The following JARID2 variants were observed in gnomAD, a reference collection of about 807,000 sequenced individuals.
The protein encoded by JARID2 is protein Jumonji.
Under a neutral mutation model 125.6 loss-of-function variants are expected in JARID2, and 21 were observed. That is an observed-to-expected ratio of 0.17 (90% CI 0.12 to 0.24). JARID2 has a LOEUF of 0.24. JARID2 is among the 10% of genes least tolerant of loss of function. The pLI is 1.00. For missense variants in JARID2, 1,303 were observed against 1,639.6 expected, an observed-to-expected ratio of 0.79 and a Z score of 3.55; for synonymous variants, 736 against 661.6, an observed-to-expected ratio of 1.11 and a Z score of -1.73.
At chr6:15,334,025 G>C (rs912661038) in intron 1 of JARID2, among the ~76,000 whole-genome samples, 1 of 152,088 alleles carries the variant, frequency 6.6e-6, no homozygotes, top group Non-Finnish European at 1.5e-5. Context: ...ACATCTTAGC[G>C]TGCGGAAGTC....
At chr6:15,418,088 G>T (rs1766316597) in intron 3 of JARID2, among the ~76,000 whole-genome samples, 1 of 152,148 alleles carries the variant, frequency 6.6e-6, no homozygotes, top group Admixed American at 6.5e-5. Context: ...TGCCTGAATG[G>T]AGCAGGCAAG....
chr6:15,282,979 A>T (rs1760817957), intron 1 of JARID2, among the ~76,000 whole-genome samples: 3 of 148,902 alleles, frequency 2.0e-5, no homozygotes, highest in African/African-American at 7.4e-5. Context: ...CTATTTTTTT[A>T]TTTTTTTTAT....
At chr6:15,337,397 A>C (rs1404684779) in intron 1 of JARID2, among the ~76,000 whole-genome samples, 10 of 152,240 alleles carry the variant, frequency 6.6e-5, no homozygotes, top group African/African-American at 2.4e-4. Flanking sequence ...CTCATGGCTC[A>C]GGGCACCTCC....
At chr6:15,309,578 A>G (rs573206380) in intron 1 of JARID2, among the ~76,000 whole-genome samples, 174 of 152,232 alleles carry the variant, frequency 1.1e-3, no homozygotes, top group African/African-American at 4.1e-3. Context: ...AAGTGAGAAA[A>G]CAGTATTTAC....
rs190802112 is a variant in JARID2 at position 15,520,140 on chromosome 6, T to C, written c.3630T>C (p.Cys1210=). Residue 1210 remains cysteine (C), a synonymous_variant, in exon 18 of 18, where the codon TGT becomes TGC. Transcript: ENST00000341776. The part of the protein sequence containing the change: ...VSGKNGSIEN[C]LSKPTPKRGP... ...GTAAAAACGGCAGCATTGAGAACTGTCTCAGTAAACCCACACCAAAAAGAG... is the reference window on the plus strand; with the variant it reads ...GTAAAAACGGCAGCATTGAGAACTGCCTCAGTAAACCCACACCAAAAAGAG... The C allele has an allele frequency of 2.1e-5, 34 of 1,613,922 alleles. No individual in the cohort carries two copies. In the Admixed American group the frequency reaches 4.7e-4, roughly 22 times the overall value.
Position 15,500,960 on chromosome 6 carries a change from G to A in JARID2, c.1999G>A (p.Gly667Ser), listed in dbSNP as rs1272384842. 1 of 1,613,758 alleles carries A rather than the reference G, an allele frequency of 6.2e-7. No homozygotes were observed. The highest frequency in any genetic ancestry group is 1.7e-5 in the Admixed American group (1 of 60,008). Residue 667 changes from glycine (G) to serine (S), a missense_variant, in exon 8 of 18, where the codon GGC becomes AGC. By Grantham distance (56) the Gly-to-Ser change is moderately conservative. This residue lies in a region of JARID2 where 64 missense variants were observed against 166.8 expected (regional missense o/e 0.38). Transcript: ENST00000341776. Reference protein sequence around the residue: ...CFFRLINEMGGMQQVTDLKKW... With the variant: ...CFFRLINEMGSMQQVTDLKKW... ...TTTCCGGCTGATTAATGAGATGGGC[G>A]GCATGCAGCAAGTGACTGACCTCAA...
chr6:15,400,658 C>G (rs1171683518), intron 2 of JARID2, among the ~76,000 whole-genome samples: 3 of 119,496 alleles, frequency 2.5e-5, no homozygotes, highest in Non-Finnish European at 5.3e-5. Context: ...TTTCCTTTTT[C>G]TCATTTTAAT....
intron 16 of JARID2, among the ~76,000 whole-genome samples, chr6:15,516,886 G>A (rs1288534824): frequency 6.6e-6 from 1 of 152,188 alleles, no homozygotes; most frequent in Non-Finnish European, 1.5e-5. Flanking sequence ...AATCTGGAGG[G>A]GACTTGAGGG....
At chr6:15,333,787 C>T (rs892027528) in intron 1 of JARID2, among the ~76,000 whole-genome samples, 6 of 151,974 alleles carry the variant, frequency 3.9e-5, no homozygotes, top group Admixed American at 1.3e-4. Flanking sequence ...TCAGTAAATA[C>T]GTGGGTGAAA....
chr6:15,413,003 TTTTTG>T (rs1278197733), intron 3 of JARID2, among the ~76,000 whole-genome samples: 2 of 58,726 alleles, frequency 3.4e-5, no homozygotes, highest in African/African-American at 1.6e-4. Context: ...AGAGCTTGTG[TTTTTG>T]TTTTTTTTTT....
chr6:15,321,613 C>T (rs541411413), intron 1 of JARID2, among the ~76,000 whole-genome samples: 213 of 152,146 alleles, frequency 1.4e-3, no homozygotes, highest in African/African-American at 5.0e-3. Context: ...ACATGATTTC[C>T]TTCAGCTTCT....
At chr6:15,263,578 C>T (rs1759968286) in intron 1 of JARID2, among the ~76,000 whole-genome samples, 3 of 149,646 alleles carry the variant, frequency 2.0e-5, no homozygotes, top group African/African-American at 7.4e-5. Flanking sequence ...TGGTCCTTAA[C>T]TAGAGTCAGA....
rs772147973 is a variant in JARID2 at position 15,496,426 on chromosome 6, GGGCCCGCCGTCAA to G, written c.1202_1214del (p.Gly401ValfsTer9). On this transcript the variant is annotated frameshift_variant, in exon 7 of 18. Coordinates refer to ENST00000341776, the MANE Select transcript of JARID2 (RefSeq NM_004973.4). LOFTEE classifies it high-confidence loss of function. ...CCTCGGGGGGGCGTCCAAGTCCACT[GGGCCCGCCGTCAA>G]TGGCCTCAAGGTCAGTGGCAGGTTG... is the stretch of plus-strand genomic sequence containing the variant. 1 of 1,613,728 alleles carries G rather than the reference GGGCCCGCCGTCAA, an allele frequency of 6.2e-7. No individual in the cohort carries two copies.
intron 1 of JARID2, among the ~76,000 whole-genome samples, chr6:15,248,301 T>A (rs1194657991): frequency 2.2e-4 from 31 of 140,524 alleles, no homozygotes; most frequent in African/African-American, 7.3e-4. Context: ...GGGGGCATAC[T>A]CCGGGCTCTA....
At chr6:15,353,154 A>G (rs909561764) in intron 1 of JARID2, among the ~76,000 whole-genome samples, 1 of 152,194 alleles carries the variant, frequency 6.6e-6, no homozygotes, top group Non-Finnish European at 1.5e-5. Flanking sequence ...GTATCATTTT[A>G]CACTCCCACT....
At chr6:15,266,114 C>A (rs1213000865) in intron 1 of JARID2, among the ~76,000 whole-genome samples, 2 of 152,180 alleles carry the variant, frequency 1.3e-5, no homozygotes, top group Non-Finnish European at 2.9e-5. Flanking sequence ...CACATATGCT[C>A]TCCTGGAGAC....
chr6:15,347,176 T>A (rs1763272035), intron 1 of JARID2, among the ~76,000 whole-genome samples: 1 of 152,230 alleles, frequency 6.6e-6, no homozygotes, highest in Admixed American at 6.5e-5. Context: ...ACTATATATT[T>A]AAGTAGTTGG....
intron 4 of JARID2, among the ~76,000 whole-genome samples, chr6:15,460,607 C>T (rs13202955): frequency 0.25 from 38,601 of 152,144 alleles, 5,017 homozygotes; most frequent in Middle Eastern, 0.35. Flanking sequence ...TCAGCTTCTC[C>T]ATTGGGAACT....
chr6:15,500,837 T>C, intron 7 of JARID2, 70 bp from the exon 8 acceptor site: 1 of 1,360,396 alleles, frequency 7.4e-7, no homozygotes, highest in South Asian at 1.3e-5. Flanking sequence ...GAAGTACAGG[T>C]TGAATGAGGA....
Sources: allele counts gnomAD v4.1 joint callset (sites outside exome capture counted in the v4.1 genomes callset), GRCh38; gene constraint gnomAD v4.1.1; regional missense constraint gnomAD v4.1.1; transcripts MANE v1.5; gene names NCBI Gene and HGNC (gene_info 2026-07-23, HGNC 2026-07-21).